Variants in SLC25A13 observed in about 807,000 individuals in gnomAD.
SLC25A13 encodes the protein electrogenic aspartate/glutamate antiporter SLC25A13, mitochondrial.
SLC25A13 carries 70 observed loss-of-function variants against 85.5 expected under a neutral mutation model. That is an observed-to-expected ratio of 0.82 (90% CI 0.68 to 1.00). SLC25A13 has a LOEUF of 1.00. Ranked by LOEUF, SLC25A13 falls within the 50% of genes least tolerant of loss-of-function variation. The pLI is 0.00. For synonymous variants in SLC25A13, 259 were observed against 288.7 expected (o/e 0.90, Z 1.04); for missense variants, 765 against 819.8 (o/e 0.93, Z 0.82).
chr7:96,254,589 T>C (rs1401277984), intron 3 of SLC25A13, among the ~76,000 whole-genome samples: 1 of 152,226 alleles, frequency 6.6e-6, no homozygotes, highest in Admixed American at 6.5e-5. Flanking sequence ...TGTGTGTATA[T>C]ATACCCTATT....
At chr7:96,280,923 G>C (rs547899974) in intron 2 of SLC25A13, among the ~76,000 whole-genome samples, 1 of 152,234 alleles carries the variant, frequency 6.6e-6, no homozygotes, top group African/African-American at 2.4e-5. Context: ...ATTTCAATCA[G>C]AAGTATATCA....
chr7:96,135,033 G>A (rs1280402957), intron 14 of SLC25A13, among the ~76,000 whole-genome samples: 1 of 152,016 alleles, frequency 6.6e-6, no homozygotes, highest in Non-Finnish European at 1.5e-5. Context: ...TGATCATCCT[G>A]TCACCCCTAG....
At chr7:96,140,688 G>A (rs1176415985) in intron 14 of SLC25A13, among the ~76,000 whole-genome samples, 1 of 150,744 alleles carries the variant, frequency 6.6e-6, no homozygotes, top group African/African-American at 2.4e-5. Context: ...CAGGCGTCAG[G>A]CACCGCGCCT....
At chr7:96,305,361 A>G (rs913707105) in intron 1 of SLC25A13, among the ~76,000 whole-genome samples, 10 of 152,252 alleles carry the variant, frequency 6.6e-5, no homozygotes, top group Non-Finnish European at 1.2e-4. Context: ...ATTCTTTTTA[A>G]TTTGGCATTA....
At chr7:96,234,980 A>G (rs1389315815) in intron 3 of SLC25A13, 63 bp from the exon 4 acceptor site, 2 of 1,179,022 alleles carry the variant, frequency 1.7e-6, no homozygotes, top group Non-Finnish European at 2.5e-6. Context: ...AGCATATACA[A>G]ACATACACTG....
intron 6 of SLC25A13, among the ~76,000 whole-genome samples, chr7:96,192,138 C>T (rs1794877952): frequency 6.6e-6 from 1 of 152,046 alleles, no homozygotes; most frequent in Admixed American, 6.6e-5. Context: ...ATGGAAGAGG[C>T]CTCGTTGGAA....
At chr7:96,140,892 T>G (rs994025458) in intron 14 of SLC25A13, among the ~76,000 whole-genome samples, 6 of 152,124 alleles carry the variant, frequency 3.9e-5, no homozygotes, top group Non-Finnish European at 7.4e-5. Flanking sequence ...GTGTTGGCCA[T>G]TGGTATGTCC....
In SLC25A13 at chr7:96,191,198, C is replaced by T; in HGVS notation, c.665G>A (p.Gly222Glu). Residue 222 changes from glycine (G) to glutamate (E), a missense_variant, in exon 7 of 18, where the codon GGA becomes GAA. Gly to Glu is a moderately conservative substitution (Grantham distance 98, BLOSUM62 -2). Transcript: ENST00000265631. ...SHQVSFSYFN[G>E]FNSLLNNMEL... ...CATGTTGTTAAGGAGCGAATTAAAT[C>T]CATTAAAATAGGAGAAACTAACTTG... 6.2e-7 allele frequency: 1 copy of T among 1,613,972 alleles called. No individual in the cohort carries two copies.
In SLC25A13 at chr7:96,221,743, G is replaced by A. The variant is rs1304365254; in HGVS notation, c.329-12766C>T. 2.0e-5 allele frequency among the ~76,000 whole-genome samples: 3 copies of A among 152,284 alleles called. No homozygotes were observed. In the East Asian group the frequency reaches 5.8e-4, roughly 29 times the overall value. On this transcript the variant is annotated intron_variant, in intron 4 of 17. Coordinates refer to ENST00000265631, the MANE Select transcript of SLC25A13 (RefSeq NM_014251.3). ...TAACTCCCATCATTTTCTGCAACCT[G>A]AATCGAAGTGACTGAGTGGGTGTTT...
chr7:96,231,034 C>A (rs76040234), intron 4 of SLC25A13, among the ~76,000 whole-genome samples: 1 of 151,982 alleles, frequency 6.6e-6, no homozygotes, highest in Admixed American at 6.6e-5. Flanking sequence ...TTACTTGAGC[C>A]TGGTAAGCAG....
At chr7:96,168,862 A>G (rs1793881715) in intron 13 of SLC25A13, among the ~76,000 whole-genome samples, 1 of 152,188 alleles carries the variant, frequency 6.6e-6, no homozygotes, top group African/African-American at 2.4e-5. Context: ...TAGAAAACCT[A>G]CTTACTCAAA....
intron 14 of SLC25A13, among the ~76,000 whole-genome samples, chr7:96,133,266 C>A (rs973487953): frequency 6.6e-6 from 1 of 152,192 alleles, no homozygotes; most frequent in South Asian, 2.1e-4. Context: ...GTACTGCCAA[C>A]CGGCTCAGGC....
intron 14 of SLC25A13, among the ~76,000 whole-genome samples, chr7:96,138,253 C>T (rs2116452218): frequency 6.6e-6 from 1 of 152,218 alleles, no homozygotes; most frequent in Admixed American, 6.5e-5. Flanking sequence ...AACTGTTGCC[C>T]CTTTGAAGGC....
In SLC25A13 at chr7:96,120,928, T is replaced by A; in HGVS notation, c.*263A>T. 1 of 582,674 alleles carries A rather than the reference T, an allele frequency of 1.7e-6. No individual in the cohort carries two copies. The allele number at this position is 582,674 out of a possible 1,614,324, so 36.1% of individuals were successfully genotyped here. A position where few individuals can be genotyped will look rare whatever the true frequency, so the allele number is the denominator to read the frequency against. On this transcript the variant is annotated 3_prime_UTR_variant, in exon 18 of 18. Transcript: ENST00000265631. ...GACTTGCTCCTTTCCCCAAATCATGTTAGTGTTGACCAAATCCCATCAATT... is the reference window on the plus strand; with the variant it reads ...GACTTGCTCCTTTCCCCAAATCATGATAGTGTTGACCAAATCCCATCAATT...
intron 2 of SLC25A13, among the ~76,000 whole-genome samples, chr7:96,296,176 G>C (rs910850923): frequency 6.6e-6 from 1 of 151,954 alleles, no homozygotes; most frequent in Admixed American, 6.6e-5. Context: ...TGATGATAAT[G>C]ATGATGACCA....
intron 3 of SLC25A13, among the ~76,000 whole-genome samples, chr7:96,260,644 C>T (rs1197060464): frequency 6.6e-6 from 1 of 152,092 alleles, no homozygotes; most frequent in Non-Finnish European, 1.5e-5. Flanking sequence ...AATTTTGCTT[C>T]CAAACCTACT....
At chr7:96,279,268 T>A (rs1169709663) in intron 2 of SLC25A13, among the ~76,000 whole-genome samples, 1 of 152,238 alleles carries the variant, frequency 6.6e-6, no homozygotes, top group Non-Finnish European at 1.5e-5. Context: ...TTTATATAAT[T>A]GAGTGTATAG....
At chr7:96,216,158 GAAAAAAAA>G (rs896112987) in intron 4 of SLC25A13, among the ~76,000 whole-genome samples, 1 of 116,606 alleles carries the variant, frequency 8.6e-6, no homozygotes, top group Non-Finnish European at 1.9e-5. Flanking sequence ...TGTCTCAAAA[GAAAAAAAA>G]AAAAGAAAAA....
At position 96,146,648 on chromosome 7, in the gene SLC25A13, T is replaced by A. The variant is rs1470301449; in HGVS notation, c.1360A>T (p.Ile454Phe). The stretch of plus-strand genomic sequence containing the variant: ...ATTTCTCCTGCCACTTGCAAACGGA[T>A]CTTGACGATTTCTAAAGGATTTGTG... ...IFTNPLEIVKIRLQVAGEITT... is the reference protein window; with the variant it reads ...IFTNPLEIVKFRLQVAGEITT... The change falls in exon 14 of 18, where the codon ATC becomes TTC. Residue 454 changes from isoleucine (I) to phenylalanine (F), a missense_variant. Transcript: ENST00000265631. 1 of 1,614,010 alleles carries A rather than the reference T, an allele frequency of 6.2e-7. No individual in the cohort carries two copies. The highest frequency in any genetic ancestry group is 1.7e-5 in the Admixed American group (1 of 60,002).
Sources: gnomAD v4.1 joint callset for allele counts (sites outside exome capture counted in the v4.1 genomes callset) on GRCh38, gnomAD v4.1.1 for gene constraint, MANE v1.5 for transcripts, NCBI Gene and HGNC (gene_info 2026-07-23, HGNC 2026-07-21) for gene names.